The following DSE variants were observed in gnomAD, a reference collection of about 807,000 sequenced individuals.
DSE encodes dermatan sulfate epimerase, also known as dermatan-sulfate epimerase.
Under a neutral mutation model 84.4 loss-of-function variants are expected in DSE, and 36 were observed. That is an observed-to-expected ratio of 0.43 (90% confidence interval 0.33 to 0.56). The LOEUF is 0.56. Ranked by LOEUF, DSE falls within the 20% of genes least tolerant of loss-of-function variation. The pLI, the probability that DSE is intolerant of heterozygous loss-of-function variation, is 0.06. For synonymous variants in DSE, 410 were observed against 430.1 expected (o/e 0.95, Z 0.58); for missense variants, 862 against 1,169.6 (o/e 0.74, Z 3.84).
intron 2 of DSE, among the ~76,000 whole-genome samples, chr6:116,299,774 C>T (rs1774926598): frequency 6.6e-6 from 1 of 151,822 alleles, no homozygotes; most frequent in South Asian, 2.1e-4. Flanking sequence ...TTTTAGGGCA[C>T]ATCTTTAACA....
At chr6:116,322,845 G>A (rs1442540545) in intron 2 of DSE, among the ~76,000 whole-genome samples, 2 of 152,170 alleles carry the variant, frequency 1.3e-5, no homozygotes, top group African/African-American at 4.8e-5. Flanking sequence ...CAGGGTAGAA[G>A]AGACTGCAGA....
chr6:116,298,229 A>G (rs1774786689), intron 2 of DSE, among the ~76,000 whole-genome samples: 1 of 152,194 alleles, frequency 6.6e-6, no homozygotes, highest in Non-Finnish European at 1.5e-5. Context: ...CCCCCCAGGA[A>G]AGATGTCCAT....
At chr6:116,266,400 G>C (rs1200293930) in intron 2 of DSE, among the ~76,000 whole-genome samples, 3 of 152,186 alleles carry the variant, frequency 2.0e-5, no homozygotes, top group African/African-American at 7.2e-5. Flanking sequence ...AGTCAAGAAA[G>C]TGCCAGCATC....
At chr6:116,337,849 A>T (rs891275058) in intron 2 of DSE, among the ~76,000 whole-genome samples, 5 of 152,186 alleles carry the variant, frequency 3.3e-5, no homozygotes, top group African/African-American at 1.2e-4. Context: ...TTTTGTTTTT[A>T]AAAAATGGCA....
chr6:116,360,458 C>T lies in DSE; in HGVS notation c.-53-38740C>T, dbSNP rs923142953. On this transcript the variant is annotated intron_variant, in intron 2 of 3. Coordinates refer to the DSE transcript ENST00000430252. ...CATTTGTAATTTCCTGGTAATTTTA[C>T]TTATTGAAACATGGGGAAAATATTC... Among the ~76,000 whole-genome samples the T allele has an allele frequency of 2.6e-5, 4 of 152,118 alleles. 1 individual carries two copies. The highest frequency in any genetic ancestry group is 1.3e-4 in the Admixed American group (2 of 15,266).
intron 2 of DSE, among the ~76,000 whole-genome samples, chr6:116,302,324 CATTCT>C: frequency 6.6e-6 from 1 of 152,300 alleles, no homozygotes; most frequent in Non-Finnish European, 1.5e-5. Context: ...TAATGATCGC[CATTCT>C]AGCTGGCGTG....
chr6:116,328,650 G>A (rs755948237), intron 2 of DSE, among the ~76,000 whole-genome samples: 1 of 152,212 alleles, frequency 6.6e-6, no homozygotes, highest in African/African-American at 2.4e-5. Context: ...AGCAAGCCCA[G>A]TAAAGGAGCA....
rs59237926 is a variant in DSE, at chr6:116,416,349, CTGTGTGTGTGTG to C, written c.417-10189_417-10178del. Among the ~76,000 whole-genome samples, 700 of 134,032 alleles carry C rather than the reference CTGTGTGTGTGTG, an allele frequency of 5.2e-3. 6 individuals carry two copies. The highest frequency in any genetic ancestry group is 0.018 in the African/African-American group (636 of 35,888). The allele number at this position is 134,032 out of a possible 152,430, so 87.9% of individuals were successfully genotyped here. A position where few individuals can be genotyped will look rare whatever the true frequency, so the allele number is the denominator to read the frequency against. Reference sequence around the variant, plus strand: ...ACAGGTTCTAAACAGCTAATTGCCACTGTGTGTGTGTGTGTGTGTGTGTGTGTGTGTGTGTGT... The same window carrying C: ...ACAGGTTCTAAACAGCTAATTGCCACTGTGTGTGTGTGTGTGTGTGTGTGT... On this transcript the variant is annotated intron_variant, in intron 2 of 5. Transcript: ENST00000644252.
At position 116,361,883 on chromosome 6, in the gene DSE, A is replaced by G. The variant is rs556580609; in HGVS notation, c.-53-37315A>G. 3.3e-5 allele frequency among the ~76,000 whole-genome samples: 5 copies of G among 152,344 alleles called. No homozygotes were observed. The East Asian group carries it at 9.6e-4, about 29-fold the overall frequency. ...AACTGATTAATGAAAAGGGACTCACAACAAACGTGAGTCGTATCTGAAGCT... is the reference window on the plus strand; with the variant it reads ...AACTGATTAATGAAAAGGGACTCACGACAAACGTGAGTCGTATCTGAAGCT... On this transcript the variant is annotated intron_variant, in intron 2 of 3. Transcript: ENST00000430252.
intron 1 of DSE, among the ~76,000 whole-genome samples, chr6:116,393,148 G>A (rs1025611775): frequency 7.9e-5 from 12 of 152,156 alleles, no homozygotes; most frequent in Non-Finnish European, 1.8e-4. Context: ...AGAAGTGGTC[G>A]CCTTTTGTAT....
At chr6:116,321,904 A>G (rs909183406) in intron 2 of DSE, among the ~76,000 whole-genome samples, 1 of 152,122 alleles carries the variant, frequency 6.6e-6, no homozygotes, top group Non-Finnish European at 1.5e-5. Context: ...GACAATCAAC[A>G]TGCCGCAATT....
At chr6:116,432,621 T>C (rs1178918494) in intron 4 of DSE, 1 of 152,156 alleles carries the variant, frequency 6.6e-6, no homozygotes, top group African/African-American at 2.4e-5. Context: ...TCTCTCTTTT[T>C]TTTTTTTTCT....
upstream of DSE, among the ~76,000 whole-genome samples, chr6:116,369,639 G>A (rs114280841): frequency 0.022 from 3,277 of 152,212 alleles, 44 homozygotes; most frequent in Middle Eastern, 0.054. Flanking sequence ...TTCTCTCCTC[G>A]ACAGGCCTTC....
chr6:116,289,620 C>A (rs1774154700), intron 2 of DSE, among the ~76,000 whole-genome samples: 1 of 151,726 alleles, frequency 6.6e-6, no homozygotes, highest in Non-Finnish European at 1.5e-5. Flanking sequence ...ACAACTAGAC[C>A]TTCATGATAA....
chr6:116,390,679 A>G (rs540375664), intron 1 of DSE, among the ~76,000 whole-genome samples: 1 of 152,336 alleles, frequency 6.6e-6, no homozygotes, highest in East Asian at 1.9e-4. Flanking sequence ...TAATCAGAAG[A>G]TCTTCAATTG....
At chr6:116,265,032 G>A (rs559628627) in intron 2 of DSE, among the ~76,000 whole-genome samples, 1 of 152,306 alleles carries the variant, frequency 6.6e-6, no homozygotes, top group African/African-American at 2.4e-5. Flanking sequence ...GCAGCAACAG[G>A]GGGATCTGTC....
At chr6:116,328,643 A>G (rs994033808) in intron 2 of DSE, among the ~76,000 whole-genome samples, 14 of 152,354 alleles carry the variant, frequency 9.2e-5, no homozygotes, top group Middle Eastern at 3.4e-3. Context: ...TGATTCAAGC[A>G]AGCCCAGTAA....
At chr6:116,416,549 A>G (rs989058620) in intron 2 of DSE, among the ~76,000 whole-genome samples, 1 of 151,888 alleles carries the variant, frequency 6.6e-6, no homozygotes, top group African/African-American at 2.4e-5. Context: ...TATATTTTTG[A>G]TGTTGTGTGT....
chr6:116,293,855 T>C (rs534185417), intron 2 of DSE, among the ~76,000 whole-genome samples: 19 of 151,918 alleles, frequency 1.3e-4, no homozygotes, highest in African/African-American at 4.6e-4. Context: ...CACTCCAGCC[T>C]GGGTGACAGA....
Sources: gnomAD v4.1 joint callset for allele counts (sites outside exome capture counted in the v4.1 genomes callset) on GRCh38, gnomAD v4.1.1 for gene constraint, MANE v1.5 for transcripts, NCBI Gene and HGNC (gene_info 2026-07-23, HGNC 2026-07-21) for gene names.